CLEC4C: variants seen among roughly 807,000 people sequenced by gnomAD.
CLEC4C encodes C-type (calcium dependent, carbohydrate-recognition domain) lectin, superfamily member 11.
CLEC4C carries 17 observed loss-of-function variants against 27.7 expected under a neutral mutation model. That is an observed-to-expected ratio of 0.61 (90% CI 0.42 to 0.92). The LOEUF (loss-of-function observed/expected upper bound fraction) is 0.92. Among genes scored for constraint, CLEC4C ranks in the 40% least tolerant of loss-of-function variants. The pLI, the probability that CLEC4C is intolerant of heterozygous loss-of-function variation, is 0.00. For synonymous variants in CLEC4C, 80 were observed against 80.8 expected (o/e 0.99, Z 0.06); for missense variants, 244 against 257.3 (o/e 0.95, Z 0.35).
intron 4 of CLEC4C, among the ~76,000 whole-genome samples, chr12:7,731,177 C>G (rs1435175493): frequency 6.6e-6 from 1 of 152,100 alleles, no homozygotes; most frequent in Non-Finnish European, 1.5e-5. Flanking sequence ...AACAGTGGGC[C>G]TTAATAAGCA....
chr12:7,744,245 G>A (rs1245913141), intron 2 of CLEC4C, among the ~76,000 whole-genome samples: 1 of 152,148 alleles, frequency 6.6e-6, no homozygotes, highest in East Asian at 1.9e-4. Context: ...ACATCTTTAA[G>A]CCCTTTTGTC....
intron 2 of CLEC4C, among the ~76,000 whole-genome samples, chr12:7,742,111 C>T (rs1223339424): frequency 3.9e-5 from 6 of 152,082 alleles, no homozygotes; most frequent in Non-Finnish European, 8.8e-5. Context: ...ACTTGGAAGA[C>T]AGAGGTTGCA....
At chr12:7,741,149 G>C (rs980839352) in intron 3 of CLEC4C, among the ~76,000 whole-genome samples, 8 of 152,110 alleles carry the variant, frequency 5.3e-5, no homozygotes, top group African/African-American at 1.9e-4. Flanking sequence ...TTTTAGTAGA[G>C]ATGCGGTTTC....
chr12:7,731,307 C>G (rs574537859), intron 4 of CLEC4C, among the ~76,000 whole-genome samples: 1 of 152,100 alleles, frequency 6.6e-6, no homozygotes, highest in Non-Finnish European at 1.5e-5. Flanking sequence ...CAGATAAGCA[C>G]AACAAAGAGA....
chr12:7,737,013 T>C (rs1864741432), intron 4 of CLEC4C, among the ~76,000 whole-genome samples: 4 of 152,114 alleles, frequency 2.6e-5, no homozygotes, highest in Admixed American at 6.6e-5. Flanking sequence ...GGTGGATCAT[T>C]TGAGGTCAGT....
chr12:7,733,952 GT>G (rs1322372385), intron 4 of CLEC4C, among the ~76,000 whole-genome samples: 2 of 151,926 alleles, frequency 1.3e-5, no homozygotes, highest in Non-Finnish European at 2.9e-5. Context: ...GAGTGCAGTG[GT>G]ATGATCTCGG....
At chr12:7,747,419 A>C, upstream of CLEC4C, 1 of 1,495,862 alleles carries the variant, frequency 6.7e-7, no homozygotes, top group African/African-American at 1.4e-5. Context: ...CTTTCTCCAA[A>C]GATGTTACTT....
At chr12:7,742,511 G>GAAAA (rs58893714) in intron 2 of CLEC4C, among the ~76,000 whole-genome samples, 1 of 119,012 alleles carries the variant, frequency 8.4e-6, no homozygotes. Flanking sequence ...ACTTTGTCTC[G>GAAAA]AAAAAAAAAA....
At chr12:7,736,022 G>A (rs982363174) in intron 4 of CLEC4C, among the ~76,000 whole-genome samples, 2 of 152,046 alleles carry the variant, frequency 1.3e-5, no homozygotes, top group East Asian at 1.9e-4. Context: ...GGTGGCTCAC[G>A]CCTGTAATCC....
upstream of CLEC4C, chr12:7,749,308 C>T (rs1419001373): frequency 6.6e-6 from 1 of 151,788 alleles, no homozygotes; most frequent in Admixed American, 6.6e-5. Context: ...AATCTCAGCA[C>T]TTTGGGAGGC....
intron 4 of CLEC4C, among the ~76,000 whole-genome samples, chr12:7,734,432 G>T (rs1188995380): frequency 6.6e-6 from 1 of 152,094 alleles, no homozygotes; most frequent in African/African-American, 2.4e-5. Context: ...TGAATCATTT[G>T]GATATTGTAG....
In CLEC4C at chr12:7,747,321, G is replaced by A. The variant is rs768318955; in HGVS notation, c.28C>T (p.Arg10Ter). MVPEEEPQD[R>*]EKGLWWFQLK... Reference sequence around the variant, plus strand: ...AACTGAGAAGATGAGTGCTTACCTCGGTCTTGAGGCTCTTCTTCAGGCACC... The same window carrying A: ...AACTGAGAAGATGAGTGCTTACCTCAGTCTTGAGGCTCTTCTTCAGGCACC... The change falls in exon 1 of 6, where the codon CGA (arginine) becomes TGA (stop). Residue 10 changes from arginine (R) to a stop codon, truncating the protein, a stop_gained. Coordinates refer to ENST00000360345, the MANE Select transcript of CLEC4C (RefSeq NM_001371390.1). LOFTEE classifies it high-confidence loss of function. 12 of 1,613,838 alleles carry A rather than the reference G, an allele frequency of 7.4e-6. No homozygotes were observed. The highest frequency in any genetic ancestry group is 5.3e-5 in the African/African-American group (4 of 74,862).
At position 7,732,018 on chromosome 12, in the gene CLEC4C, C is replaced by T. The variant is rs28400304; in HGVS notation, c.382-1106G>A. 3.3e-3 allele frequency among the ~76,000 whole-genome samples: 495 copies of T among 152,204 alleles called. 1 individual carries two copies. The highest frequency in any genetic ancestry group is 0.011 in the African/African-American group (463 of 41,550). On this transcript the variant is annotated intron_variant, in intron 4 of 5. Transcript: ENST00000360345. ...CAACTTTGCATGAACACTCCAAATG[C>T]TTCAGGTCACTTTTTTTTCTTTCTT... is the stretch of plus-strand genomic sequence containing the variant.
chr12:7,737,715 G>C (rs1864760748), intron 3 of CLEC4C, 141 bp from the exon 4 acceptor site: 1 of 733,008 alleles, frequency 1.4e-6, no homozygotes, highest in African/African-American at 1.8e-5. Flanking sequence ...TCATTTACTG[G>C]TGTATTTACT....
chr12:7,748,378 T>C (rs866018251), upstream of CLEC4C, among the ~76,000 whole-genome samples: 21 of 152,128 alleles, frequency 1.4e-4, no homozygotes, highest in Non-Finnish European at 8.8e-5. Flanking sequence ...ATACAAAAAT[T>C]AGCCAGGTGT....
intron 4 of CLEC4C, among the ~76,000 whole-genome samples, chr12:7,734,231 G>T (rs1864668442): frequency 6.6e-6 from 1 of 152,094 alleles, no homozygotes; most frequent in African/African-American, 2.4e-5. Context: ...TCTATTGTCT[G>T]CCCAGACCCT....
chr12:7,740,499 C>T (rs1227157233), intron 3 of CLEC4C, among the ~76,000 whole-genome samples: 3 of 151,704 alleles, frequency 2.0e-5, no homozygotes, highest in Non-Finnish European at 2.9e-5. Flanking sequence ...CAGGAGTTCA[C>T]GACCAGCCTG....
chr12:7,740,131 G>A (rs1372696904), intron 3 of CLEC4C, among the ~76,000 whole-genome samples: 3 of 151,806 alleles, frequency 2.0e-5, no homozygotes, highest in Admixed American at 1.3e-4. Flanking sequence ...ACCGTGCTGC[G>A]CTTGGGTGAT....
At chr12:7,746,549 ATGTG>A in intron 1 of CLEC4C, 126 bp from the exon 2 acceptor site, 1 of 609,358 alleles carries the variant, frequency 1.6e-6, no homozygotes, top group Non-Finnish European at 2.9e-6. Flanking sequence ...AACAGAAAAA[ATGTG>A]AAAGCAAAAA....
Sources: gnomAD v4.1 joint callset for allele counts (sites outside exome capture counted in the v4.1 genomes callset) on GRCh38, gnomAD v4.1.1 for gene constraint, MANE v1.5 for transcripts, NCBI Gene and HGNC (gene_info 2026-07-23, HGNC 2026-07-21) for gene names.